Variants in MUSK observed in about 807,000 individuals in gnomAD.
The protein encoded by MUSK is muscle, skeletal receptor tyrosine-protein kinase.
A neutral mutation model predicts 88.7 loss-of-function variants in MUSK; 55 were observed. The ratio of observed to expected loss-of-function variants is 0.62; its 90% CI spans 0.50 to 0.78. The LOEUF is 0.78. Ranked by LOEUF, MUSK falls within the 30% of genes least tolerant of loss-of-function variation. The pLI is 0.00. For missense variants in MUSK, 1,015 were observed against 1,074.3 expected, an observed-to-expected ratio of 0.94 and a Z score of 0.77; for synonymous variants, 387 against 391.9, an observed-to-expected ratio of 0.99 and a Z score of 0.15.
intron 14 of MUSK, among the ~76,000 whole-genome samples, chr9:110,797,127 A>AAT (rs1554756601): frequency 2.4e-5 from 1 of 41,434 alleles, no homozygotes; most frequent in Non-Finnish European, 5.8e-5. Context: ...AAAAAAATAA[A>AAT]AAAATAAAAA....
chr9:110,779,353 C>A (rs886428787), intron 11 of MUSK, among the ~76,000 whole-genome samples: 4 of 152,124 alleles, frequency 2.6e-5, no homozygotes, highest in African/African-American at 9.7e-5. Flanking sequence ...TTCTGGTTCT[C>A]TAGAACTGTC....
rs1428916162 is a variant in MUSK, at chr9:110,804,047, A to C, written c.*3059A>C. Among the ~76,000 whole-genome samples, 1 of 152,180 alleles carries C rather than the reference A, an allele frequency of 6.6e-6. No homozygotes were observed. The highest frequency in any genetic ancestry group is 2.4e-5 in the African/African-American group (1 of 41,446). ...TGCTATCGTGGTAGAGCAGAAAAAG[A>C]ACACTTTCTTTTCATTTTACAGTAT... On this transcript the variant is annotated 3_prime_UTR_variant, in exon 15 of 15. Coordinates refer to ENST00000374448, the MANE Select transcript of MUSK (RefSeq NM_005592.4).
chr9:110,729,551 T>C (rs1175873506), intron 5 of MUSK, among the ~76,000 whole-genome samples: 1 of 151,936 alleles, frequency 6.6e-6, no homozygotes, highest in Non-Finnish European at 1.5e-5. Flanking sequence ...TAATGTTTTC[T>C]TATTTTTAAA....
intron 3 of MUSK, among the ~76,000 whole-genome samples, chr9:110,688,438 G>A (rs924956189): frequency 3.9e-5 from 6 of 152,012 alleles, no homozygotes; most frequent in African/African-American, 1.4e-4. Context: ...CCACTGTGAG[G>A]AAAGGTAGTT....
rs2274419 is a variant in MUSK at position 110,775,842 on chromosome 9, G to A, written c.1239G>A (p.Met413Ile). 207,322 of 1,613,518 alleles carry A rather than the reference G, an allele frequency of 0.13. 14,411 individuals carry two copies. Among genetic ancestry groups the A allele is most frequent in the East Asian group, 0.22 (9,917 of 44,854 alleles). ...TCTGCGCAAAAGAATGGCTGGTAAT[G>A]GAAGAGAAGACCCACAGAGGACTCT... ...ELFCAKEWLV[M>I]EEKTHRGLYR... Residue 413 changes from methionine (M) to isoleucine (I), a missense_variant, in exon 10 of 15, where the codon ATG becomes ATA. By Grantham distance (10) the Met-to-Ile change is conservative (BLOSUM62 1). Transcript: ENST00000374448.
chr9:110,783,195 C>T (rs952780789), intron 11 of MUSK, among the ~76,000 whole-genome samples: 3 of 152,106 alleles, frequency 2.0e-5, no homozygotes, highest in African/African-American at 7.2e-5. Flanking sequence ...GCTAATATTT[C>T]GTTTAGGATC....
chr9:110,701,733 T>C (rs1321617969), intron 5 of MUSK, among the ~76,000 whole-genome samples: 18 of 68 alleles, frequency 0.26, no homozygotes, highest in Non-Finnish European at 0.34. Flanking sequence ...TATTTTATTT[T>C]ATTTTATTTT....
chr9:110,730,268 G>A (rs2076946155), intron 5 of MUSK, among the ~76,000 whole-genome samples: 1 of 151,956 alleles, frequency 6.6e-6, no homozygotes, highest in South Asian at 2.1e-4. Flanking sequence ...AGTGGTTTAG[G>A]GCTCACAGTG....
At chr9:110,750,973 G>A (rs182623610) in intron 7 of MUSK, among the ~76,000 whole-genome samples, 29 of 152,262 alleles carry the variant, frequency 1.9e-4, no homozygotes, top group African/African-American at 6.7e-4. Context: ...GAAGCTGGAA[G>A]AGCAGGTGGT....
rs552139061 is a variant in MUSK, at chr9:110,728,056, A to C, written c.629-6195A>C. 9.2e-5 allele frequency among the ~76,000 whole-genome samples: 14 copies of C among 152,178 alleles called. No homozygotes were observed. The East Asian group carries it at 2.7e-3, about 30-fold the overall frequency. On this transcript the variant is annotated intron_variant, in intron 5 of 14. Coordinates refer to ENST00000374448, the MANE Select transcript of MUSK (RefSeq NM_005592.4). ...TTCTCAATTCTTTCTATTCAATCTAAACATTTTACAATATCCTGTGGACCT... is the reference window on the plus strand; with the variant it reads ...TTCTCAATTCTTTCTATTCAATCTACACATTTTACAATATCCTGTGGACCT...
At chr9:110,800,199 A>G in intron 14 of MUSK, 107 bp from the exon 15 acceptor site, 2 of 1,033,080 alleles carry the variant, frequency 1.9e-6, no homozygotes, top group East Asian at 2.4e-5. Context: ...AACAACAACA[A>G]AAAACAGGGC....
intron 8 of MUSK, among the ~76,000 whole-genome samples, chr9:110,762,429 T>C (rs1172637627): frequency 1.3e-5 from 2 of 152,204 alleles, no homozygotes; most frequent in Non-Finnish European, 2.9e-5. Context: ...TTAGTAAGTA[T>C]GATGAAGTGA....
In MUSK at chr9:110,730,283, G is replaced by T. The variant is rs979754957; in HGVS notation, c.629-3968G>T. 1.4e-4 allele frequency among the ~76,000 whole-genome samples: 21 copies of T among 152,002 alleles called. 1 individual carries two copies. Among genetic ancestry groups the T allele is most frequent in the Admixed American group, 6.6e-5 (1 of 15,236 alleles). Reference sequence around the variant, plus strand: ...AGTGGTTTAGGGCTCACAGTGAATTGGAGAAGGATGGATAAGACTATGTAC... The same window carrying T: ...AGTGGTTTAGGGCTCACAGTGAATTTGAGAAGGATGGATAAGACTATGTAC... On this transcript the variant is annotated intron_variant, in intron 5 of 14. Coordinates refer to ENST00000374448, the MANE Select transcript of MUSK (RefSeq NM_005592.4).
intron 13 of MUSK, 95 bp from the exon 14 acceptor site, chr9:110,787,595 A>T (rs1309230518): frequency 3.9e-6 from 5 of 1,282,196 alleles, no homozygotes; most frequent in Non-Finnish European, 2.1e-6. Context: ...AGCCTTTTAC[A>T]CAGGGGAGGT....
chr9:110,800,464 C>T lies in MUSK; in HGVS notation c.2086C>T (p.Pro696Ser). Residue 696 changes from proline (P) to serine (S), a missense_variant, in exon 15 of 15, where the codon CCC becomes TCC. By Grantham distance (74) the Pro-to-Ser change is moderately conservative. Transcript: ENST00000374448. ...RAQVSSPGPP[P>S]LSCAEQLCIA... The stretch of plus-strand genomic sequence containing the variant: ...TCAGGTCTCCAGCCCTGGGCCCCCA[C>T]CCCTCTCCTGTGCTGAGCAGCTTTG... 6.2e-7 allele frequency: 1 copy of T among 1,613,904 alleles called. No individual in the cohort carries two copies. Among genetic ancestry groups the T allele is most frequent in the South Asian group, 1.1e-5 (1 of 91,066 alleles).
chr9:110,692,498 A>T (rs1210217978), intron 3 of MUSK, among the ~76,000 whole-genome samples: 1 of 151,842 alleles, frequency 6.6e-6, no homozygotes, highest in Non-Finnish European at 1.5e-5. Flanking sequence ...TGATCTAAAG[A>T]CCAAAGCTTT....
chr9:110,776,295 G>A (rs2077670553), intron 10 of MUSK, among the ~76,000 whole-genome samples: 1 of 152,094 alleles, frequency 6.6e-6, no homozygotes, highest in Non-Finnish European at 1.5e-5. Flanking sequence ...CTTATATTTT[G>A]TCAGCAGAGT....
intron 9 of MUSK, among the ~76,000 whole-genome samples, chr9:110,769,676 C>T (rs1305766271): frequency 1.3e-5 from 2 of 152,160 alleles, no homozygotes; most frequent in Admixed American, 6.5e-5. Context: ...GTTTATTTGA[C>T]GTACTGCTCA....
At chr9:110,686,137 G>A (rs1482875476) in intron 2 of MUSK, among the ~76,000 whole-genome samples, 1 of 152,052 alleles carries the variant, frequency 6.6e-6, no homozygotes, top group African/African-American at 2.4e-5. Flanking sequence ...GGAAGAATCT[G>A]ATTTCTTGCC....
Sources: gnomAD v4.1 joint callset for allele counts (sites outside exome capture counted in the v4.1 genomes callset) on GRCh38, gnomAD v4.1.1 for gene constraint, MANE v1.5 for transcripts, NCBI Gene and HGNC (gene_info 2026-07-23, HGNC 2026-07-21) for gene names.